Variants in CCDC102B observed in about 807,000 individuals in gnomAD.
The protein encoded by CCDC102B is coiled-coil domain-containing protein 102B.
A neutral mutation model predicts 57.4 loss-of-function variants in CCDC102B; 75 were observed. The observed-to-expected ratio is 1.31, with a 90% confidence interval of 1.08 to 1.58. The LOEUF (loss-of-function observed/expected upper bound fraction) is 1.58, where lower values mean the gene tolerates loss of function less well. CCDC102B is among the 40% of genes most tolerant of loss of function. The probability of loss-of-function intolerance (pLI) is 0.00; values close to 1 mark genes in which losing one functional copy is unlikely to be tolerated. For synonymous variants in CCDC102B, 206 were observed against 201.9 expected (o/e 1.02, Z -0.17); for missense variants, 636 against 582.6 (o/e 1.09, Z -0.94).
intron 2 of CCDC102B, among the ~76,000 whole-genome samples, chr18:68,747,557 C>T (rs2033669184): frequency 6.6e-6 from 1 of 152,042 alleles, no homozygotes; most frequent in Admixed American, 6.6e-5. Flanking sequence ...AACTGCCATT[C>T]TATTCTCTAT....
intron 6 of CCDC102B, among the ~76,000 whole-genome samples, chr18:68,964,959 T>G (rs971260987): frequency 6.6e-6 from 1 of 152,040 alleles, no homozygotes; most frequent in African/African-American, 2.4e-5. Context: ...GTCTTTTGAA[T>G]TACTATTTCC....
downstream of CCDC102B, among the ~76,000 whole-genome samples, chr18:69,055,782 C>T (rs190384592): frequency 3.3e-4 from 50 of 152,164 alleles, 1 homozygote; most frequent in East Asian, 8.7e-3. Context: ...TTCTTGCACA[C>T]AACACAATCT....
At chr18:68,934,865 T>A (rs574098386) in intron 6 of CCDC102B, among the ~76,000 whole-genome samples, 2 of 152,012 alleles carry the variant, frequency 1.3e-5, no homozygotes, top group Non-Finnish European at 2.9e-5. Flanking sequence ...AAGATATAGG[T>A]ACGTTTCAAT....
chr18:68,917,469 C>T lies in CCDC102B; in HGVS notation c.1263+20041C>T, dbSNP rs543922607. Among the ~76,000 whole-genome samples, 10 of 152,316 alleles carry T rather than the reference C, an allele frequency of 6.6e-5. No individual in the cohort carries two copies. In the South Asian group the frequency reaches 2.1e-3, roughly 32 times the overall value. The stretch of plus-strand genomic sequence containing the variant: ...AGCTGCTAACTCTTCCTCCGTTATA[C>T]TTAGCTAGTGTAGCTAAGGGAATTG... On this transcript the variant is annotated intron_variant, in intron 6 of 7. Transcript: ENST00000360242.
At chr18:69,049,745 A>AAG (rs147643931) in intron 7 of CCDC102B, among the ~76,000 whole-genome samples, 8,034 of 152,108 alleles carry the variant, frequency 0.053, 725 homozygotes, top group African/African-American at 0.18. Context: ...TTTTCCTAAA[A>AAG]AGCAGTTCAA....
chr18:68,864,424 C>A (rs924628610), intron 4 of CCDC102B, among the ~76,000 whole-genome samples: 1 of 151,982 alleles, frequency 6.6e-6, no homozygotes, highest in Non-Finnish European at 1.5e-5. Context: ...CTGCTGCCTG[C>A]TTTTTCATTT....
intron 1 of CCDC102B, among the ~76,000 whole-genome samples, chr18:68,834,062 A>G (rs923178191): frequency 6.6e-6 from 1 of 152,122 alleles, no homozygotes; most frequent in African/African-American, 2.4e-5. Context: ...TCTCATCTCA[A>G]GCAAGTTTTC....
chr18:68,887,130 A>T (rs113234394), intron 5 of CCDC102B, among the ~76,000 whole-genome samples: 1 of 152,148 alleles, frequency 6.6e-6, no homozygotes, highest in Non-Finnish European at 1.5e-5. Context: ...GAGTAGAAAC[A>T]GTTGTCATTG....
At chr18:68,749,450 A>C (rs1365244407) in intron 2 of CCDC102B, among the ~76,000 whole-genome samples, 1 of 152,030 alleles carries the variant, frequency 6.6e-6, no homozygotes, top group African/African-American at 2.4e-5. Flanking sequence ...CTTCTATTTC[A>C]TTGAGCAGTG....
At chr18:68,742,761 A>G (rs1226074497) in intron 2 of CCDC102B, among the ~76,000 whole-genome samples, 1 of 152,184 alleles carries the variant, frequency 6.6e-6, no homozygotes, top group Admixed American at 6.5e-5. Context: ...ATTTTGCTTC[A>G]TTAACTTCAT....
intron 6 of CCDC102B, among the ~76,000 whole-genome samples, chr18:68,928,954 C>T (rs1466749862): frequency 2.0e-5 from 3 of 151,766 alleles, no homozygotes; most frequent in East Asian, 1.9e-4. Context: ...CATGACAAAG[C>T]GGCAGAAAAG....
At chr18:68,841,099 T>C (rs571260788) in intron 3 of CCDC102B, among the ~76,000 whole-genome samples, 1 of 152,342 alleles carries the variant, frequency 6.6e-6, no homozygotes, top group East Asian at 1.9e-4. Context: ...TCTTTTTTTC[T>C]ATCACAAGAG....
chr18:68,738,993 C>CTTATTTTTTTTTTTTTTTTTTTTTTTTT (rs1555695902), intron 2 of CCDC102B, among the ~76,000 whole-genome samples: 1 of 144,976 alleles, frequency 6.9e-6, no homozygotes. Flanking sequence ...GATGAGCAGC[C>CTTATTTTTTTTTTTTTTTTTTTTTTTTT]TTTTGTTTTT....
At chr18:68,726,265 T>C (rs993409860) in intron 2 of CCDC102B, among the ~76,000 whole-genome samples, 3 of 152,198 alleles carry the variant, frequency 2.0e-5, no homozygotes, top group African/African-American at 4.8e-5. Flanking sequence ...CATTCAGTAC[T>C]AATTGGATAT....
chr18:68,921,312 TATG>T (rs1402403171), intron 6 of CCDC102B, among the ~76,000 whole-genome samples: 2 of 152,086 alleles, frequency 1.3e-5, no homozygotes, highest in Admixed American at 6.6e-5. Context: ...TTTCATGAGA[TATG>T]ATGGTTTTTA....
rs151258139 is a variant in CCDC102B at position 68,842,910 on chromosome 18, G to C, written c.828-3403G>C. On this transcript the variant is annotated intron_variant, in intron 3 of 7. Transcript: ENST00000360242. ...ACACATATTACCAGGAGAGTGTAGA[G>C]GCAACAGACAGAGGAGGTTACAGGC... is the stretch of plus-strand genomic sequence containing the variant. Among the ~76,000 whole-genome samples the C allele has an allele frequency of 1.1e-4, 16 of 152,222 alleles. No individual in the cohort carries two copies. The East Asian group carries it at 2.9e-3, about 28-fold the overall frequency.
chr18:68,798,918 A>G (rs1484927200), intron 1 of CCDC102B, among the ~76,000 whole-genome samples: 1 of 152,124 alleles, frequency 6.6e-6, no homozygotes, highest in African/African-American at 2.4e-5. Flanking sequence ...ACATTTATTA[A>G]ATATAAATAT....
At chr18:68,738,846 C>A (rs535193114) in intron 2 of CCDC102B, among the ~76,000 whole-genome samples, 38 of 152,256 alleles carry the variant, frequency 2.5e-4, no homozygotes, top group Admixed American at 7.8e-4. Flanking sequence ...TGAATCCAAT[C>A]TACCAGGCCT....
At chr18:68,862,264 T>G (rs1163676272) in intron 4 of CCDC102B, among the ~76,000 whole-genome samples, 1 of 152,190 alleles carries the variant, frequency 6.6e-6, no homozygotes, top group Non-Finnish European at 1.5e-5. Context: ...TAGATAATTA[T>G]TTGGGACTCT....
Sources: allele counts gnomAD v4.1 joint callset (sites outside exome capture counted in the v4.1 genomes callset), GRCh38; gene constraint gnomAD v4.1.1; transcripts MANE v1.5; gene names NCBI Gene and HGNC (gene_info 2026-07-23, HGNC 2026-07-21).